Variants in FAM114A1 observed in about 807,000 individuals in gnomAD.
FAM114A1 encodes family with sequence similarity 114 member A1.
Under a neutral mutation model 64.3 loss-of-function variants are expected in FAM114A1, and 62 were observed. The ratio of observed to expected loss-of-function variants is 0.96; its 90% confidence interval spans 0.79 to 1.19. The LOEUF is 1.19. FAM114A1 is among the 50% of genes most tolerant of loss of function. The pLI, the probability that FAM114A1 is intolerant of heterozygous loss-of-function variation, is 0.00. For missense variants in FAM114A1, 645 were observed against 676.3 expected (o/e 0.95, Z 0.51); for synonymous variants, 254 against 251.1 (o/e 1.01, Z -0.11).
intron 7 of FAM114A1, among the ~76,000 whole-genome samples, chr4:38,912,819 G>C (rs78744462): frequency 0.011 from 1,713 of 152,244 alleles, 41 homozygotes; most frequent in East Asian, 0.088. Flanking sequence ...AGTGATTTCA[G>C]TGTCACTTTG....
At chr4:38,943,314 T>C in intron 14 of FAM114A1, 142 bp from the exon 15 acceptor site, 1 of 655,304 alleles carries the variant, frequency 1.5e-6, no homozygotes, top group Non-Finnish European at 2.7e-6. Context: ...GTGTTTACAC[T>C]TGCTTTAAGC....
chr4:38,891,263 C>T (rs144718431), intron 3 of FAM114A1, among the ~76,000 whole-genome samples: 159 of 152,260 alleles, frequency 1.0e-3, no homozygotes, highest in African/African-American at 3.4e-3. Flanking sequence ...GGTGTATTGA[C>T]GCTTTTTAGA....
rs1407837983 is a variant in FAM114A1, at chr4:38,905,604, C to G, written c.519C>G (p.Ala173=). ...HGVNSGSSEG[A]QPNTENGVPE... is the part of the protein sequence containing the mutation. ...TAAATTCTGGATCTTCTGAAGGAGC[C>G]CAACCAAATACTGAAAACGGAGTCC... Residue 173 remains alanine (A), a synonymous_variant, in exon 5 of 15, where the codon GCC becomes GCG. Coordinates refer to ENST00000358869, the MANE Select transcript of FAM114A1 (RefSeq NM_138389.4). 1.2e-6 allele frequency: 2 copies of G among 1,614,144 alleles called. No homozygotes were observed. Among genetic ancestry groups the G allele is most frequent in the Admixed American group, 3.3e-5 (2 of 60,028 alleles).
intron 3 of FAM114A1, 134 bp downstream of exon 3, chr4:38,878,560 A>ATATGT (rs1553862970): frequency 1.3e-4 from 85 of 666,568 alleles, no homozygotes; most frequent in Non-Finnish European, 2.8e-5. Flanking sequence ...GTCATCAGAA[A>ATATGT]TGTGTAGTGA....
At chr4:38,875,260 TG>T (rs1349791122) in intron 2 of FAM114A1, among the ~76,000 whole-genome samples, 3 of 152,230 alleles carry the variant, frequency 2.0e-5, no homozygotes, top group African/African-American at 7.2e-5. Flanking sequence ...TACATTGCTT[TG>T]GGTAGTATGG....
At chr4:38,924,875 G>A (rs1354382692) in intron 9 of FAM114A1, among the ~76,000 whole-genome samples, 2 of 152,172 alleles carry the variant, frequency 1.3e-5, no homozygotes, top group Non-Finnish European at 2.9e-5. Context: ...GGTGTCTGAG[G>A]TAGACCTTGG....
chr4:38,873,020 G>C (rs545551997), intron 2 of FAM114A1, among the ~76,000 whole-genome samples: 1 of 152,188 alleles, frequency 6.6e-6, no homozygotes, highest in Non-Finnish European at 1.5e-5. Context: ...CTTTTTAGCA[G>C]CCCCCATCAA....
At chr4:38,922,230 G>A (rs540542687) in intron 8 of FAM114A1, among the ~76,000 whole-genome samples, 7 of 152,298 alleles carry the variant, frequency 4.6e-5, no homozygotes, top group South Asian at 2.1e-4. Flanking sequence ...GTGAGCCACC[G>A]CGTCTGGCCG....
At chr4:38,919,270 C>CATTTGAATTCCCAGACTCCTCAA (rs746125073) in intron 8 of FAM114A1, among the ~76,000 whole-genome samples, 2 of 152,178 alleles carry the variant, frequency 1.3e-5, no homozygotes, top group African/African-American at 4.8e-5. Flanking sequence ...GCCAAGTTCC[C>CATTTGAATTCCCAGACTCCTCAA]ATTTGAATTC....
intron 7 of FAM114A1, among the ~76,000 whole-genome samples, chr4:38,910,568 T>C (rs1269215979): frequency 6.6e-6 from 1 of 151,850 alleles, no homozygotes; most frequent in African/African-American, 2.4e-5. Context: ...AAAGACAAAG[T>C]AGAACAGGAA....
chr4:38,886,962 A>G (rs1056208039), intron 3 of FAM114A1, among the ~76,000 whole-genome samples: 18 of 151,614 alleles, frequency 1.2e-4, no homozygotes, highest in Non-Finnish European at 1.5e-4. Flanking sequence ...TAGCCTGTAC[A>G]GGGAAGCAGC....
At chr4:38,910,197 C>T (rs1002663125) in intron 7 of FAM114A1, among the ~76,000 whole-genome samples, 2 of 151,768 alleles carry the variant, frequency 1.3e-5, no homozygotes, top group Non-Finnish European at 2.9e-5. Context: ...CGAGATTGTG[C>T]CACTGCACTC....
intron 2 of FAM114A1, among the ~76,000 whole-genome samples, chr4:38,869,908 A>G (rs1248123975): frequency 1.3e-5 from 2 of 152,212 alleles, no homozygotes; most frequent in Non-Finnish European, 2.9e-5. Flanking sequence ...AGTCCTTTAC[A>G]TTTAATAAAT....
Position 38,922,809 on chromosome 4 carries a change from G to A in FAM114A1, c.985G>A (p.Glu329Lys), listed in dbSNP as rs367852842. Residue 329 changes from glutamate (E) to lysine (K), a missense_variant, in exon 9 of 15, where the codon GAA (glutamate) becomes AAA (lysine). Coordinates refer to ENST00000358869, the MANE Select transcript of FAM114A1 (RefSeq NM_138389.4). Reference sequence around the variant, plus strand: ...AGCATCACTTGATGGAGAGAAGCTGGAACTCTTAAAAAATGACCTAATTTC... The same window carrying A: ...AGCATCACTTGATGGAGAGAAGCTGAAACTCTTAAAAAATGACCTAATTTC... ...FLASLDGEKL[E>K]LLKNDLISIK... 1.9e-6 allele frequency: 3 copies of A among 1,613,318 alleles called. No individual in the cohort carries two copies. The highest frequency in any genetic ancestry group is 2.5e-6 in the Non-Finnish European group (3 of 1,179,782).
At chr4:38,917,398 G>A (rs1055223658) in intron 8 of FAM114A1, among the ~76,000 whole-genome samples, 1 of 151,584 alleles carries the variant, frequency 6.6e-6, no homozygotes, top group Admixed American at 6.6e-5. Context: ...TGCAGAAGCT[G>A]TATGATTTTG....
Position 38,904,321 on chromosome 4 carries a change from T to A in FAM114A1, c.437-1201T>A, listed in dbSNP as rs1414412190. 2.0e-5 allele frequency among the ~76,000 whole-genome samples: 3 copies of A among 152,320 alleles called. No homozygotes were observed. The East Asian group carries it at 5.8e-4, about 29-fold the overall frequency. ...ACAGTTTGACAACTCAGAAAAGCTA[T>A]AGCTCATCGTGAAGGCCTCAAAGGG... On this transcript the variant is annotated intron_variant, in intron 4 of 14. Transcript: ENST00000358869.
Position 38,891,732 on chromosome 4 carries a change from T to A in FAM114A1, c.349-11T>A. On this transcript the variant is annotated splice_polypyrimidine_tract_variant and intron_variant, in intron 3 of 14. Transcript: ENST00000358869. The stretch of plus-strand genomic sequence containing the variant: ...GAATTTCTGACCTGTGGCTAATTTG[T>A]TTTTCTCCAGGCTGTGGATTCCCCT... The A allele has an allele frequency of 6.3e-7, 1 of 1,592,110 alleles. No homozygotes were observed. Among genetic ancestry groups the A allele is most frequent in the Non-Finnish European group, 8.5e-7 (1 of 1,170,510 alleles).
intron 3 of FAM114A1, among the ~76,000 whole-genome samples, chr4:38,882,449 G>A (rs1267101340): frequency 6.6e-6 from 1 of 151,914 alleles, no homozygotes; most frequent in Admixed American, 6.6e-5. Context: ...GACCAATATG[G>A]AGAAACCCCG....
chr4:38,870,786 A>G (rs917290089), intron 2 of FAM114A1, among the ~76,000 whole-genome samples: 1 of 152,144 alleles, frequency 6.6e-6, no homozygotes, highest in Non-Finnish European at 1.5e-5. Flanking sequence ...GCTTGTCATG[A>G]CTGTAATCCT....
Sources: allele counts gnomAD v4.1 joint callset (sites outside exome capture counted in the v4.1 genomes callset), GRCh38; gene constraint gnomAD v4.1.1; transcripts MANE v1.5; gene names NCBI Gene and HGNC (gene_info 2026-07-23, HGNC 2026-07-21).